ABLIM1: variants seen among roughly 807,000 people sequenced by gnomAD.
ABLIM1 encodes actin-binding LIM protein 1.
ABLIM1 carries 40 observed loss-of-function variants against 107.0 expected under a neutral mutation model. That is an observed-to-expected ratio of 0.37 (90% CI 0.29 to 0.49). ABLIM1 has a LOEUF of 0.49. Ranked by LOEUF, ABLIM1 falls within the 20% of genes least tolerant of loss-of-function variation. The pLI is 0.97. For synonymous variants in ABLIM1, 357 were observed against 357.3 expected (o/e 1.00, Z 0.01); for missense variants, 857 against 1,008.5 (o/e 0.85, Z 2.04).
intron 1 of ABLIM1, among the ~76,000 whole-genome samples, chr10:114,620,655 G>A (rs578152804): frequency 2.0e-5 from 3 of 152,048 alleles, no homozygotes; most frequent in South Asian, 4.2e-4. Flanking sequence ...CAAGTGATCC[G>A]CCCACCTCAG....
chr10:114,744,871 C>T (rs1262053589), intron 1 of ABLIM1, among the ~76,000 whole-genome samples: 2 of 151,926 alleles, frequency 1.3e-5, no homozygotes, highest in Non-Finnish European at 2.9e-5. Flanking sequence ...CATAAGGACT[C>T]GGGTGTCCAG....
At position 114,707,386 on chromosome 10, in the gene ABLIM1, C is replaced by T. The variant is rs767621938; in HGVS notation, c.-213+60675G>A. Among the ~76,000 whole-genome samples the T allele has an allele frequency of 2.6e-5, 4 of 152,148 alleles. No homozygotes were observed. Among genetic ancestry groups the T allele is most frequent in the Admixed American group, 6.5e-5 (1 of 15,282 alleles). The stretch of plus-strand genomic sequence containing the variant: ...TAGCTGGAACTACAGGCGCACACCA[C>T]CACACTCAGCTAATTTTAAAATTTT... On this transcript the variant is annotated intron_variant, in intron 1 of 15. Transcript: ENST00000651092. The surrounding 1 kb of genome is among the most constrained non-coding windows in gnomAD (Gnocchi z 4.1).
intron 10 of ABLIM1, among the ~76,000 whole-genome samples, chr10:114,468,912 C>T (rs7092279): frequency 0.024 from 3,678 of 151,862 alleles, 166 homozygotes; most frequent in African/African-American, 0.085. Flanking sequence ...ATTAGCCAGG[C>T]GCGGTGGCGG....
chr10:114,469,285 T>C (rs562011992), intron 10 of ABLIM1, among the ~76,000 whole-genome samples: 63 of 152,186 alleles, frequency 4.1e-4, no homozygotes, highest in Non-Finnish European at 7.9e-4. Context: ...AGGACTTTGG[T>C]GACCAGGCAT....
intron 1 of ABLIM1, among the ~76,000 whole-genome samples, chr10:114,635,714 G>T (rs998633876): frequency 2.6e-5 from 4 of 152,320 alleles, no homozygotes. Flanking sequence ...TAGAGACAGG[G>T]TTTCACCACG....
At position 114,447,912 on chromosome 10, in the gene ABLIM1, T is replaced by C. The variant is rs561094132; in HGVS notation, c.1703A>G (p.His568Arg). Residue 568 changes from histidine to arginine, a missense_variant, in exon 15 of 23, where the codon CAC (histidine) becomes CGC (arginine). By Grantham distance (29) the His-to-Arg change is conservative (BLOSUM62 0). This residue lies in a region of ABLIM1 where 103 missense variants were observed against 101.0 expected (regional missense o/e 1.02). Coordinates refer to ENST00000533213, the MANE Select transcript of ABLIM1 (RefSeq NM_002313.7). The stretch of plus-strand genomic sequence containing the variant: ...AGCAAATGAGGGGGGACCAGGCCAG[T>C]GGTCCGTCTCAATCTTTGGTGTCTC... ...PSETPKIETD[H>R]WPGPPSFAVV... The C allele has an allele frequency of 1.1e-5, 17 of 1,614,140 alleles. 1 individual carries two copies. The East Asian group carries it at 1.6e-4, about 15-fold the overall frequency.
At chr10:114,659,544 T>C (rs2079689929), upstream of ABLIM1, among the ~76,000 whole-genome samples, 1 of 151,952 alleles carries the variant, frequency 6.6e-6, no homozygotes, top group Non-Finnish European at 1.5e-5. Context: ...TTTTGAAAAA[T>C]ACAAAATATA....
In ABLIM1 at chr10:114,487,945, AT is replaced by A. The variant is rs2058422280; in HGVS notation, c.1041+12del. 1 of 1,613,912 alleles carries A rather than the reference AT, an allele frequency of 6.2e-7. No individual in the cohort carries two copies. Among genetic ancestry groups the A allele is most frequent in the African/African-American group, 1.3e-5 (1 of 74,914 alleles). ...CAAATGCAGCTGGCATCATGTTTTA[AT>A]TGTGTCCTTACCCGCAGCTTTTCCT... On this transcript the variant is annotated intron_variant, in intron 8 of 22. Coordinates refer to ENST00000533213, the MANE Select transcript of ABLIM1 (RefSeq NM_002313.7).
At chr10:114,770,989 C>A (rs1454106075), upstream of ABLIM1, among the ~76,000 whole-genome samples, 1 of 152,162 alleles carries the variant, frequency 6.6e-6, no homozygotes, top group Non-Finnish European at 1.5e-5. Context: ...TGCCACCACA[C>A]CTGGCTAATT....
intron 6 of ABLIM1, among the ~76,000 whole-genome samples, chr10:114,541,265 TAACCTCAAG>T (rs1175235993): frequency 1.3e-5 from 2 of 151,694 alleles, no homozygotes. Flanking sequence ...GTTTAAGAAC[TAACCTCAAG>T]AACCTCAAGA....
Position 114,619,899 on chromosome 10 carries a change from C to A in ABLIM1, c.245-17938G>T, listed in dbSNP as rs1266776005. Reference sequence around the variant, plus strand: ...ACCCAAGACAGATGACACCAAATTCCGGCCAACTTCTGTTAAGGATAAAGT... The same window carrying A: ...ACCCAAGACAGATGACACCAAATTCAGGCCAACTTCTGTTAAGGATAAAGT... On this transcript the variant is annotated intron_variant, in intron 1 of 22. Coordinates refer to ENST00000533213, the MANE Select transcript of ABLIM1 (RefSeq NM_002313.7). This position sits in a 1 kb window ranked among gnomAD's most constrained non-coding sequence, Gnocchi z 4.1. Among the ~76,000 whole-genome samples, 1 of 152,144 alleles carries A rather than the reference C, an allele frequency of 6.6e-6. No homozygotes were observed. The highest frequency in any genetic ancestry group is 2.4e-5 in the African/African-American group (1 of 41,428).
intron 6 of ABLIM1, among the ~76,000 whole-genome samples, chr10:114,525,383 C>G (rs981439244): frequency 2.0e-5 from 3 of 152,184 alleles, no homozygotes; most frequent in Non-Finnish European, 2.9e-5. Context: ...ATTCCCTGAG[C>G]TTACTGGATA....
intron 1 of ABLIM1, among the ~76,000 whole-genome samples, chr10:114,602,857 G>C (rs2076126790): frequency 6.6e-6 from 1 of 152,162 alleles, no homozygotes; most frequent in African/African-American, 2.4e-5. Flanking sequence ...CCCTGGGACT[G>C]GGATGTTCAG....
chr10:114,446,490 A>C (rs1236546696), intron 15 of ABLIM1, among the ~76,000 whole-genome samples: 3 of 152,202 alleles, frequency 2.0e-5, no homozygotes, highest in African/African-American at 7.2e-5. Context: ...TTGTTTTCCT[A>C]AATTGCTTGG....
At chr10:114,711,804 G>C (rs1346856589) in intron 1 of ABLIM1, among the ~76,000 whole-genome samples, 1 of 152,112 alleles carries the variant, frequency 6.6e-6, no homozygotes, top group African/African-American at 2.4e-5. Flanking sequence ...TGACCTGGTA[G>C]AGAAGGAGTC....
chr10:114,742,980 A>C (rs973032764), intron 1 of ABLIM1, among the ~76,000 whole-genome samples: 1 of 152,190 alleles, frequency 6.6e-6, no homozygotes, highest in Non-Finnish European at 1.5e-5. Context: ...TAAATTAGTT[A>C]ATCTGTGTAA....
chr10:114,603,631 G>C lies in ABLIM1; in HGVS notation c.245-1670C>G, dbSNP rs937748027. On this transcript the variant is annotated intron_variant, in intron 1 of 22. Transcript: ENST00000533213. ...ATGAAGGCCAAAAAACCTATCCCTTGCACATTAAAAAAAAAAAAAAGAAGA... is the reference window on the plus strand; with the variant it reads ...ATGAAGGCCAAAAAACCTATCCCTTCCACATTAAAAAAAAAAAAAAGAAGA... 2.7e-5 allele frequency among the ~76,000 whole-genome samples: 4 copies of C among 147,326 alleles called. No homozygotes were observed. The Admixed American group carries it at 2.7e-4, about 10-fold the overall frequency.
intron 1 of ABLIM1, among the ~76,000 whole-genome samples, chr10:114,682,170 G>A (rs554478684): frequency 1.3e-5 from 2 of 152,070 alleles, no homozygotes; most frequent in African/African-American, 4.8e-5. Context: ...TAAAATTAAC[G>A]GCTGACTATC....
At chr10:114,468,727 C>T (rs766839780) in intron 10 of ABLIM1, among the ~76,000 whole-genome samples, 4 of 151,516 alleles carry the variant, frequency 2.6e-5, no homozygotes, top group Admixed American at 6.6e-5. Flanking sequence ...GACAAAGTTC[C>T]GGGGAGATTC....
Sources: gnomAD v4.1 joint callset for allele counts (sites outside exome capture counted in the v4.1 genomes callset) on GRCh38, gnomAD v4.1.1 for gene constraint, gnomAD v4.1.1 regional missense constraint, Gnocchi (gnomAD v3.1) non-coding constraint, MANE v1.5 for transcripts, NCBI Gene and HGNC (gene_info 2026-07-23, HGNC 2026-07-21) for gene names.